Variants in CAST observed in about 807,000 individuals in gnomAD.
CAST encodes the protein MIR583 host.
CAST carries 76 observed loss-of-function variants against 119.6 expected under a neutral mutation model. The ratio of observed to expected loss-of-function variants is 0.64; its 90% CI spans 0.53 to 0.77. The LOEUF (loss-of-function observed/expected upper bound fraction) is 0.77. Among genes scored for constraint, CAST ranks in the 30% least tolerant of loss-of-function variants. The pLI is 0.00. For missense variants in CAST, 953 were observed against 946.5 expected, an observed-to-expected ratio of 1.01 and a Z score of -0.09; for synonymous variants, 319 against 331.6, an observed-to-expected ratio of 0.96 and a Z score of 0.41.
chr5:96,291,310 C>G, the CAST span, among the ~76,000 whole-genome samples: 1 of 152,190 alleles, frequency 6.6e-6, no homozygotes, highest in Non-Finnish European at 1.5e-5. Context: ...AGCTAATACA[C>G]AAGCATATAA....
intron 1 of CAST, among the ~76,000 whole-genome samples, chr5:96,560,289 G>T (rs911481220): frequency 2.6e-5 from 4 of 152,106 alleles, no homozygotes; most frequent in South Asian, 4.2e-4. Context: ...TCAGGACATA[G>T]GCATGGACAA....
At chr5:96,473,066 A>C in the CAST span, among the ~76,000 whole-genome samples, 1 of 152,168 alleles carries the variant, frequency 6.6e-6, no homozygotes, top group Non-Finnish European at 1.5e-5. Context: ...TCTCTTGTAC[A>C]GACACACTGG....
chr5:96,456,564 T>G, the CAST span, among the ~76,000 whole-genome samples: 1 of 152,254 alleles, frequency 6.6e-6, no homozygotes, highest in Non-Finnish European at 1.5e-5. Context: ...CATGTTGGTT[T>G]GATAATCTCC....
intron 1 of CAST, among the ~76,000 whole-genome samples, chr5:96,539,454 A>G (rs1745875708): frequency 6.6e-6 from 1 of 152,104 alleles, no homozygotes; most frequent in Non-Finnish European, 1.5e-5. Context: ...ATAGCCATTC[A>G]AACTTCCTTT....
chr5:96,159,079 T>C, the CAST span, among the ~76,000 whole-genome samples: 8 of 152,214 alleles, frequency 5.3e-5, no homozygotes, highest in African/African-American at 1.7e-4. Context: ...ATGTAGATTT[T>C]CCTTTAGGCT....
At chr5:96,109,742 A>AGG in the CAST span, among the ~76,000 whole-genome samples, 1 of 152,200 alleles carries the variant, frequency 6.6e-6, no homozygotes, top group Non-Finnish European at 1.5e-5. Flanking sequence ...ATGAGGGGGC[A>AGG]GCAAATTGAA....
chr5:96,494,203 G>A, the CAST span, among the ~76,000 whole-genome samples: 2 of 152,168 alleles, frequency 1.3e-5, no homozygotes, highest in Non-Finnish European at 2.9e-5. Context: ...GTTTCTCAGA[G>A]GCGATGAACT....
At chr5:96,146,833 A>G in the CAST span, among the ~76,000 whole-genome samples, 1 of 152,232 alleles carries the variant, frequency 6.6e-6, no homozygotes, top group Non-Finnish European at 1.5e-5. Flanking sequence ...ACCATCTGGA[A>G]CATGTGGCTC....
intron 1 of CAST, among the ~76,000 whole-genome samples, chr5:96,644,740 T>C (rs1370448327): frequency 6.6e-6 from 1 of 152,014 alleles, no homozygotes; most frequent in Admixed American, 6.5e-5. Flanking sequence ...TTTGGGAGGG[T>C]GAGGCGAGTG....
chr5:96,397,615 C>A, the CAST span: 2 of 701,628 alleles, frequency 2.9e-6, no homozygotes, highest in Admixed American at 2.4e-5. Flanking sequence ...GAGACACTCA[C>A]AAGGAAAAAA....
chr5:96,639,811 C>G (rs976600260), intron 1 of CAST, among the ~76,000 whole-genome samples: 1 of 152,108 alleles, frequency 6.6e-6, no homozygotes, highest in African/African-American at 2.4e-5. Context: ...TGAGTATGCA[C>G]GGTTTGGGTA....
rs762052618 is a variant in CAST, at chr5:96,741,280, A to G, written c.933A>G (p.Pro311=). ...PPADSSKPIG[P]DDAIDALSSD... is the part of the protein sequence containing the mutation. ...TGTTTCTTTAGAAACCCATAGGGCC[A>G]GATGATGCTATAGACGCCTTGTCAT... The change falls in exon 14 of 32, where the codon CCA becomes CCG. Residue 311 remains proline (P), a synonymous_variant. Transcript: ENST00000675179. The G allele has an allele frequency of 1.9e-6, 3 of 1,610,322 alleles. No individual in the cohort carries two copies. The highest frequency in any genetic ancestry group is 2.5e-6 in the Non-Finnish European group (3 of 1,176,598).
the CAST span, among the ~76,000 whole-genome samples, chr5:96,026,113 C>T: frequency 2.0e-5 from 3 of 152,092 alleles, no homozygotes; most frequent in African/African-American, 4.8e-5. Context: ...GGCATGCACC[C>T]GTGGTCCCAG....
At chr5:96,614,930 T>G (rs1005769817) in intron 1 of CAST, among the ~76,000 whole-genome samples, 15 of 152,198 alleles carry the variant, frequency 9.9e-5, no homozygotes, top group Non-Finnish European at 5.9e-5. Flanking sequence ...CCCTCAGCGC[T>G]GCCTTGAGTG....
chr5:96,285,738 A>G, the CAST span, among the ~76,000 whole-genome samples: 1 of 152,246 alleles, frequency 6.6e-6, no homozygotes, highest in East Asian at 1.9e-4. Flanking sequence ...AATGGGAGCA[A>G]TCTTTTTTAA....
intron 1 of CAST, among the ~76,000 whole-genome samples, chr5:96,601,489 T>C (rs1044868383): frequency 6.6e-6 from 1 of 152,236 alleles, no homozygotes; most frequent in African/African-American, 2.4e-5. Flanking sequence ...AGGATTTTTT[T>C]AAATCCCTCT....
intron 1 of CAST, among the ~76,000 whole-genome samples, chr5:96,532,623 G>T (rs1005523158): frequency 2.0e-5 from 3 of 152,204 alleles, no homozygotes; most frequent in Non-Finnish European, 4.4e-5. Context: ...GCCATGGCAG[G>T]CAGATCACCT....
chr5:96,571,736 A>G (rs371746904), intron 1 of CAST, among the ~76,000 whole-genome samples: 27 of 152,294 alleles, frequency 1.8e-4, no homozygotes, highest in African/African-American at 6.5e-4. Flanking sequence ...ATCTTGTGCC[A>G]CCTTCTATAT....
intron 2 of CAST, among the ~76,000 whole-genome samples, chr5:96,680,363 AAAAAAAAAAAAAAAAAG>A (rs1751232602): frequency 7.4e-6 from 1 of 134,912 alleles, no homozygotes; most frequent in African/African-American, 3.0e-5. Context: ...TCAAAAAAAA[AAAAAAAAAAAAAAAAAG>A]AAGAAGAAGA....
Sources: allele counts gnomAD v4.1 joint callset (sites outside exome capture counted in the v4.1 genomes callset), GRCh38; gene constraint gnomAD v4.1.1; transcripts MANE v1.5; gene names NCBI Gene and HGNC (gene_info 2026-07-23, HGNC 2026-07-21).